Variants in ECHDC2 observed in about 807,000 individuals in gnomAD.
ECHDC2 encodes enoyl-CoA hydratase domain-containing protein 2, mitochondrial.
In ECHDC2, 34 loss-of-function variants were observed where a neutral mutation model predicts 40.6. The observed-to-expected ratio is 0.84, with a 90% confidence interval of 0.64 to 1.11. ECHDC2 has a LOEUF of 1.11. Among genes scored for constraint, ECHDC2 ranks in the 50% most tolerant of loss-of-function variants. The pLI, the probability that ECHDC2 is intolerant of heterozygous loss-of-function variation, is 0.00. For missense variants in ECHDC2, 392 were observed against 400.7 expected, an observed-to-expected ratio of 0.98 and a Z score of 0.19; for synonymous variants, 162 against 166.6, an observed-to-expected ratio of 0.97 and a Z score of 0.21.
At chr1:52,906,917 A>C (rs898183775) in intron 4 of ECHDC2, 1 of 171,972 alleles carries the variant, frequency 5.8e-6, no homozygotes, top group Non-Finnish European at 1.2e-5. Flanking sequence ...GATGTGCGCC[A>C]CCACGCCCAG....
chr1:52,921,229 G>T (rs571077416), intron 1 of ECHDC2, among the ~76,000 whole-genome samples: 3 of 152,254 alleles, frequency 2.0e-5, no homozygotes, highest in East Asian at 1.9e-4. Context: ...AGGGGAACGC[G>T]CACTTAAACG....
upstream of ECHDC2, chr1:52,921,754 C>A: frequency 7.0e-7 from 1 of 1,419,532 alleles, no homozygotes; most frequent in Non-Finnish European, 9.2e-7. Context: ...GTTCCGGCGT[C>A]GGGCGAAGCC....
intron 9 of ECHDC2, 133 bp downstream of exon 9, chr1:52,897,304 A>T: frequency 1.1e-6 from 1 of 919,010 alleles, no homozygotes; most frequent in Non-Finnish European, 1.8e-6. Context: ...CAGGTGACTT[A>T]TGAGGGACGA....
intron 1 of ECHDC2, chr1:52,917,456 G>A: frequency 2.3e-6 from 1 of 431,572 alleles, no homozygotes; most frequent in Admixed American, 2.5e-5. Flanking sequence ...GCAGAGCAGG[G>A]GAGTTCCAAA....
intron 4 of ECHDC2, 67 bp from the exon 5 acceptor site, chr1:52,906,678 G>A: frequency 7.3e-7 from 1 of 1,367,218 alleles, no homozygotes; most frequent in Non-Finnish European, 1.0e-6. Context: ...CTCAAGGCTG[G>A]GGAGGGGCAA....
chr1:52,896,638 C>T, intron 9 of ECHDC2, 41 bp from the exon 10 acceptor site: 1 of 1,531,500 alleles, frequency 6.5e-7, no homozygotes, highest in African/African-American at 1.4e-5. Context: ...GGGAGCAGGG[C>T]CACAGGCCCA....
intron 1 of ECHDC2, chr1:52,912,101 G>GACACACAC: frequency 1.6e-6 from 2 of 1,223,016 alleles, no homozygotes; most frequent in Non-Finnish European, 2.1e-6. Context: ...TAGACAGACA[G>GACACACAC]ACACACACAC....
Position 52,910,118 on chromosome 1 carries a change from T to C in ECHDC2, c.277+1448A>G, listed in dbSNP as rs552128601. On this transcript the variant is annotated intron_variant, in intron 3 of 9. Coordinates refer to ENST00000371522, the MANE Select transcript of ECHDC2 (RefSeq NM_001198961.2). ...TTCTACTGGTATGAGGTATTTAGAA[T>C]AGATAAATACATAGAGACAAAGTAC... Among the ~76,000 whole-genome samples the C allele has an allele frequency of 2.0e-4, 31 of 152,044 alleles. 1 individual carries two copies. The South Asian group carries it at 4.4e-3, about 21-fold the overall frequency.
rs778343565 is a variant in ECHDC2, at chr1:52,899,154, C to A, written c.753+20G>T. The A allele has an allele frequency of 6.2e-7, 1 of 1,614,108 alleles. No individual in the cohort carries two copies. Among genetic ancestry groups the A allele is most frequent in the Non-Finnish European group, 8.5e-7 (1 of 1,179,988 alleles). ...CGACCAACTTTAGTGGACCCAAGTC[C>A]CAACCCAAAACCCTCTCACCTCCGT... On this transcript the variant is annotated intron_variant, in intron 8 of 9. Coordinates refer to ENST00000371522, the MANE Select transcript of ECHDC2 (RefSeq NM_001198961.2).
At chr1:52,911,206 G>A (rs894476991) in intron 3 of ECHDC2, among the ~76,000 whole-genome samples, 5 of 151,958 alleles carry the variant, frequency 3.3e-5, no homozygotes, top group Admixed American at 3.3e-4. Flanking sequence ...TCGAACTCGG[G>A]CCTCAAGTGA....
chr1:52,896,756 C>G, intron 9 of ECHDC2, 159 bp from the exon 10 acceptor site: 1 of 617,306 alleles, frequency 1.6e-6, no homozygotes, highest in South Asian at 1.9e-5. Flanking sequence ...GCCTCCGTGG[C>G]TGCTTTGTCT....
intron 8 of ECHDC2, 178 bp downstream of exon 8, chr1:52,898,995 AC>A (rs1646813794): frequency 2.9e-6 from 2 of 701,186 alleles, no homozygotes; most frequent in Non-Finnish European, 5.2e-6. Context: ...AAACAATAAT[AC>A]TGTCTGGCCA....
chr1:52,899,221 G>C lies in ECHDC2; in HGVS notation c.706C>G (p.Pro236Ala), dbSNP rs367965474. Residue 236 changes from proline (P) to alanine (A), a missense_variant, in exon 8 of 10, where the codon CCC (proline) becomes GCC (alanine). By Grantham distance (27) the Pro-to-Ala change is conservative. Coordinates refer to ENST00000371522, the MANE Select transcript of ECHDC2 (RefSeq NM_001198961.2). ...ACTTTGCCCAGCCGCACGGCAATGG[G>C]GGCCTAGGGAAAAGCAAAAAGTCTT... is the stretch of plus-strand genomic sequence containing the variant. Reference protein sequence around the residue: ...ALAQEILPQAPIAVRLGKVAI... With the variant: ...ALAQEILPQAAIAVRLGKVAI... 6.8e-6 allele frequency: 11 copies of C among 1,612,056 alleles called. No homozygotes were observed. The highest frequency in any genetic ancestry group is 8.5e-7 in the Non-Finnish European group (1 of 1,179,988).
intron 1 of ECHDC2, chr1:52,915,094 TG>T: frequency 2.5e-6 from 1 of 396,716 alleles, no homozygotes; most frequent in East Asian, 7.2e-5. Flanking sequence ...AGTCAGGGTG[TG>T]GGGAAGAGAG....
In ECHDC2 at chr1:52,903,373, A is replaced by G. The variant is rs563710337; in HGVS notation, c.702+1273T>C. The stretch of plus-strand genomic sequence containing the variant: ...CACCGTACCCAACGTGTAGTCTTTT[A>G]TCCCTCACCCTTTCCCATGCTATTT... On this transcript the variant is annotated intron_variant, in intron 7 of 9. Coordinates refer to ENST00000371522, the MANE Select transcript of ECHDC2 (RefSeq NM_001198961.2). 2.6e-5 allele frequency among the ~76,000 whole-genome samples: 4 copies of G among 152,042 alleles called. No homozygotes were observed. In the South Asian group the frequency reaches 8.3e-4, roughly 32 times the overall value.
At position 52,904,889 on chromosome 1, in the gene ECHDC2, A is replaced by G. The variant is rs1647353876; in HGVS notation, c.515-56T>C. On this transcript the variant is annotated intron_variant, in intron 6 of 9. Coordinates refer to ENST00000371522, the MANE Select transcript of ECHDC2 (RefSeq NM_001198961.2). ...CAGCATGGGAAGTGGGAACCCAGAG[A>G]AGGCTCAGCCTGGGACTCAGCCAAG... is the stretch of plus-strand genomic sequence containing the variant. 2.5e-6 allele frequency: 4 copies of G among 1,597,126 alleles called. No homozygotes were observed. In the Admixed American group the frequency reaches 5.0e-5, roughly 20 times the overall value.
chr1:52,917,081 G>A (rs1459749676), intron 1 of ECHDC2, among the ~76,000 whole-genome samples: 1 of 152,128 alleles, frequency 6.6e-6, no homozygotes, highest in Admixed American at 6.5e-5. Context: ...AAATTAGCCA[G>A]GCGTGGTGGC....
chr1:52,904,905 C>G, intron 6 of ECHDC2, 72 bp from the exon 7 acceptor site: 2 of 1,596,634 alleles, frequency 1.3e-6, no homozygotes, highest in Non-Finnish European at 1.7e-6. Flanking sequence ...CAGCCTGGGA[C>G]TCAGCCAAGA....
chr1:52,920,670 A>G, intron 1 of ECHDC2: 1 of 683,696 alleles, frequency 1.5e-6, no homozygotes, highest in East Asian at 2.6e-5. Flanking sequence ...TCCCTGCCAT[A>G]ACATCTTTTG....
Sources: allele counts gnomAD v4.1 joint callset (sites outside exome capture counted in the v4.1 genomes callset), GRCh38; gene constraint gnomAD v4.1.1; transcripts MANE v1.5; gene names NCBI Gene and HGNC (gene_info 2026-07-23, HGNC 2026-07-21).